The following ME3 variants were observed in gnomAD, a reference collection of about 807,000 sequenced individuals.
The protein encoded by ME3 is NADP-dependent malic enzyme, mitochondrial.
Under a neutral mutation model 68.9 loss-of-function variants are expected in ME3, and 48 were observed. That is an observed-to-expected ratio of 0.70 (90% confidence interval 0.55 to 0.89). The LOEUF is 0.89. ME3 is among the 40% of genes least tolerant of loss of function. The probability of loss-of-function intolerance (pLI) is 0.00; values close to 1 mark genes in which losing one functional copy is unlikely to be tolerated. For synonymous variants in ME3, 320 were observed against 318.8 expected, an observed-to-expected ratio of 1.00 and a Z score of -0.04; for missense variants, 675 against 797.4, an observed-to-expected ratio of 0.85 and a Z score of 1.85.
At chr11:86,548,890 C>T (rs1408239101) in intron 4 of ME3, among the ~76,000 whole-genome samples, 1 of 152,218 alleles carries the variant, frequency 6.6e-6, no homozygotes, top group Non-Finnish European at 1.5e-5. Flanking sequence ...CTCCTGCCTC[C>T]TTCCGATGGT....
intron 2 of ME3, among the ~76,000 whole-genome samples, chr11:86,574,280 A>G (rs1158959287): frequency 6.6e-6 from 1 of 151,650 alleles, no homozygotes; most frequent in East Asian, 1.9e-4. Context: ...TTTGGAGGAG[A>G]AGAGGCATTT....
chr11:86,464,008 A>C (rs1425584068), intron 8 of ME3: 1 of 369,440 alleles, frequency 2.7e-6, no homozygotes, highest in Non-Finnish European at 5.3e-6. Flanking sequence ...CCCGACATAC[A>C]ATAAGCGTTC....
chr11:86,544,234 A>T (rs1956225958), intron 4 of ME3, among the ~76,000 whole-genome samples: 1 of 152,178 alleles, frequency 6.6e-6, no homozygotes, highest in African/African-American at 2.4e-5. Context: ...CTAACATCAC[A>T]ATTAAAAGAA....
At chr11:86,479,031 C>T (rs916783923) in intron 7 of ME3, among the ~76,000 whole-genome samples, 11 of 152,082 alleles carry the variant, frequency 7.2e-5, no homozygotes, top group Non-Finnish European at 1.0e-4. Flanking sequence ...GAGGGTGTTT[C>T]TGGAAGAGAC....
chr11:86,672,279 A>C, intron 1 of ME3, 45 bp downstream of exon 1: 16 of 251,270 alleles, frequency 6.4e-5, no homozygotes, highest in East Asian at 1.5e-4. Flanking sequence ...CGTACCCCTA[A>C]TCCCGCGTGG....
chr11:86,557,301 C>T (rs1416368042), intron 3 of ME3, among the ~76,000 whole-genome samples: 4 of 152,158 alleles, frequency 2.6e-5, no homozygotes, highest in Non-Finnish European at 4.4e-5. Flanking sequence ...CCTGAAATCA[C>T]TAAGCCAGGG....
downstream of ME3, among the ~76,000 whole-genome samples, chr11:86,439,299 T>C (rs904533319): frequency 6.6e-6 from 1 of 152,232 alleles, no homozygotes; most frequent in Admixed American, 6.5e-5. Context: ...CTTATTAATT[T>C]TGATATGATT....
exon 13 of ME3, chr11:86,446,435 T>C (rs772401695): frequency 1.2e-6 from 2 of 1,614,180 alleles, no homozygotes; most frequent in South Asian, 1.1e-5. Flanking sequence ...GGTCTTGCCA[T>C]CTTCCAGAGT....
intron 6 of ME3, among the ~76,000 whole-genome samples, chr11:86,487,964 G>T (rs1951792960): frequency 6.6e-6 from 1 of 152,160 alleles, no homozygotes; most frequent in Non-Finnish European, 1.5e-5. Context: ...GTTCTCTTGA[G>T]CCCGGGAGTC....
At chr11:86,529,231 C>T (rs1428299834) in intron 4 of ME3, among the ~76,000 whole-genome samples, 1 of 152,208 alleles carries the variant, frequency 6.6e-6, no homozygotes. Flanking sequence ...ACAAACACCT[C>T]TACGCAAATA....
intron 7 of ME3, among the ~76,000 whole-genome samples, chr11:86,481,608 G>A (rs1951413468): frequency 6.6e-6 from 1 of 152,162 alleles, no homozygotes; most frequent in South Asian, 2.1e-4. Flanking sequence ...GTACCCAAGA[G>A]AGCATATTCC....
At chr11:86,493,696 T>C (rs1235652798) in intron 6 of ME3, among the ~76,000 whole-genome samples, 2 of 152,224 alleles carry the variant, frequency 1.3e-5, no homozygotes, top group Non-Finnish European at 2.9e-5. Flanking sequence ...CTTCATGGGA[T>C]CATGGCGCCA....
chr11:86,438,553 T>C (rs1948909967), downstream of ME3, among the ~76,000 whole-genome samples: 1 of 152,218 alleles, frequency 6.6e-6, no homozygotes, highest in Admixed American at 6.5e-5. Flanking sequence ...TTGGTGTTAT[T>C]ACTTAAGTAT....
chr11:86,468,841 G>A (rs540988301), intron 7 of ME3, among the ~76,000 whole-genome samples: 3 of 152,254 alleles, frequency 2.0e-5, no homozygotes, highest in East Asian at 1.9e-4. Context: ...GCTGGGCACC[G>A]TGCTGAGCTC....
At chr11:86,559,634 G>T in intron 3 of ME3, 56 bp downstream of exon 3, 1 of 1,552,012 alleles carries the variant, frequency 6.4e-7, no homozygotes, top group Non-Finnish European at 8.8e-7. Flanking sequence ...TGAAGCACAG[G>T]AAACAGACAG....
At chr11:86,617,176 C>A (rs968053546) in intron 2 of ME3, among the ~76,000 whole-genome samples, 1 of 140,208 alleles carries the variant, frequency 7.1e-6, no homozygotes, top group Admixed American at 8.0e-5. Context: ...AAATTATTTC[C>A]TTGAGCTTTA....
intron 2 of ME3, among the ~76,000 whole-genome samples, chr11:86,609,691 T>C (rs1421932287): frequency 6.6e-6 from 1 of 152,164 alleles, no homozygotes; most frequent in Admixed American, 6.5e-5. Flanking sequence ...AACTTGCCCA[T>C]GTTTACAAAG....
chr11:86,576,017 T>G (rs969357738), intron 2 of ME3, among the ~76,000 whole-genome samples: 1 of 152,224 alleles, frequency 6.6e-6, no homozygotes, highest in Non-Finnish European at 1.5e-5. Flanking sequence ...ATCATTCAAC[T>G]CTTGAACAGA....
Position 86,496,908 on chromosome 11 carries a change from T to TATGTAAACAATGTAATATGTA in ME3, c.705+1054_705+1055insTACATATTACATTGTTTACAT. ...GGAAAAAAAAAAGGCTGGGGAAATA[T>TATGTAAACAATGTAATATGTA]ACCAATATGTAAACAATGATTAGTG... On this transcript the variant is annotated intron_variant, in intron 6 of 14. Coordinates refer to ENST00000543262, the Ensembl canonical transcript of ME3. 1.8e-3 allele frequency among the ~76,000 whole-genome samples: 267 copies of TATGTAAACAATGTAATATGTA among 152,302 alleles called. 2 individuals are homozygous for TATGTAAACAATGTAATATGTA. Among genetic ancestry groups the TATGTAAACAATGTAATATGTA allele is most frequent in the African/African-American group, 5.9e-3 (246 of 41,556 alleles).
Sources: allele counts gnomAD v4.1 joint callset (sites outside exome capture counted in the v4.1 genomes callset), GRCh38; gene constraint gnomAD v4.1.1; transcripts MANE v1.5; gene names NCBI Gene and HGNC (gene_info 2026-07-23, HGNC 2026-07-21).